The following RAB3C variants were observed in gnomAD, a reference collection of about 807,000 sequenced individuals.
The protein encoded by RAB3C is RAB3C, member RAS oncogene family.
A neutral mutation model predicts 26.4 loss-of-function variants in RAB3C; 17 were observed. That is an observed-to-expected ratio of 0.64 (90% CI 0.44 to 0.97). The LOEUF (loss-of-function observed/expected upper bound fraction) is 0.97. Among genes scored for constraint, RAB3C ranks in the 50% least tolerant of loss-of-function variants. RAB3C has a pLI of 0.00. For synonymous variants in RAB3C, 91 were observed against 95.9 expected (o/e 0.95, Z 0.30); for missense variants, 242 against 281.9 (o/e 0.86, Z 1.01).
At chr5:58,740,170 G>A (rs1363684851) in intron 3 of RAB3C, among the ~76,000 whole-genome samples, 3 of 152,208 alleles carry the variant, frequency 2.0e-5, no homozygotes, top group African/African-American at 7.2e-5. Flanking sequence ...GGGCATGGGA[G>A]AGCACAAAGC....
At chr5:58,672,066 A>T (rs567054505) in intron 2 of RAB3C, among the ~76,000 whole-genome samples, 1 of 152,336 alleles carries the variant, frequency 6.6e-6, no homozygotes, top group South Asian at 2.1e-4. Flanking sequence ...TAGTAAATAT[A>T]CTTTTAAGAT....
At chr5:58,629,027 GAAAAAAAAAAA>G (rs70973148) in intron 2 of RAB3C, among the ~76,000 whole-genome samples, 7 of 56,076 alleles carry the variant, frequency 1.2e-4, no homozygotes, top group South Asian at 1.8e-3. Context: ...CTCACTTCTG[GAAAAAAAAAAA>G]AAAAAAAAAA....
intron 3 of RAB3C, among the ~76,000 whole-genome samples, chr5:58,761,115 AC>A (rs1015215843): frequency 6.6e-6 from 1 of 151,324 alleles, no homozygotes; most frequent in East Asian, 1.9e-4. Context: ...AAGACCATAT[AC>A]CACATTGTTT....
chr5:58,697,750 G>A (rs1037609769), intron 2 of RAB3C, among the ~76,000 whole-genome samples: 2 of 152,010 alleles, frequency 1.3e-5, no homozygotes, highest in Admixed American at 6.6e-5. Context: ...TGCAACCCCT[G>A]CTTTTTTTTG....
intron 2 of RAB3C, among the ~76,000 whole-genome samples, chr5:58,657,170 T>A (rs910681462): frequency 6.6e-6 from 1 of 152,010 alleles, no homozygotes; most frequent in Admixed American, 6.6e-5. Flanking sequence ...CACTGATATG[T>A]GTGAGCTAAG....
chr5:58,725,898 G>A, intron 2 of RAB3C, 104 bp from the exon 3 acceptor site: 1 of 639,986 alleles, frequency 1.6e-6, no homozygotes, highest in Non-Finnish European at 2.7e-6. Flanking sequence ...TACACAACAA[G>A]TACATTTTAG....
At chr5:58,848,998 A>G (rs183694946) in intron 4 of RAB3C, among the ~76,000 whole-genome samples, 8 of 152,312 alleles carry the variant, frequency 5.3e-5, no homozygotes, top group Admixed American at 5.2e-4. Flanking sequence ...AGAAGCTGAG[A>G]TCATGTTGGC....
intron 3 of RAB3C, among the ~76,000 whole-genome samples, chr5:58,749,423 C>T (rs1386171603): frequency 1.3e-5 from 2 of 151,852 alleles, no homozygotes; most frequent in African/African-American, 2.4e-5. Flanking sequence ...GATGAATTCA[C>T]AAAAGAAAAA....
At chr5:58,709,894 G>A (rs768944667) in intron 2 of RAB3C, among the ~76,000 whole-genome samples, 1 of 152,198 alleles carries the variant, frequency 6.6e-6, no homozygotes, top group Non-Finnish European at 1.5e-5. Context: ...GCTGTGTGAT[G>A]GTGAAGCCTC....
At chr5:58,824,069 G>A (rs1270881380) in intron 3 of RAB3C, among the ~76,000 whole-genome samples, 1 of 151,766 alleles carries the variant, frequency 6.6e-6, no homozygotes, top group African/African-American at 2.4e-5. Context: ...CATTTTTTAT[G>A]GCTGCATAGT....
intron 3 of RAB3C, among the ~76,000 whole-genome samples, chr5:58,749,880 G>A (rs1741484406): frequency 6.6e-6 from 1 of 152,094 alleles, no homozygotes; most frequent in African/African-American, 2.4e-5. Flanking sequence ...TTTTTATTAA[G>A]TTTGAGAATG....
chr5:58,749,503 A>C (rs1366290911), intron 3 of RAB3C, among the ~76,000 whole-genome samples: 1 of 152,204 alleles, frequency 6.6e-6, no homozygotes, highest in African/African-American at 2.4e-5. Flanking sequence ...CTGTAGGAGC[A>C]AGGAGAGAAT....
intron 2 of RAB3C, among the ~76,000 whole-genome samples, chr5:58,682,553 G>A (rs1554047534): frequency 6.6e-6 from 1 of 151,978 alleles, no homozygotes; most frequent in Non-Finnish European, 1.5e-5. Flanking sequence ...GCGTGGTGGC[G>A]GGCGCCTATA....
intron 3 of RAB3C, among the ~76,000 whole-genome samples, chr5:58,813,963 A>G (rs1743157771): frequency 6.6e-6 from 1 of 152,212 alleles, no homozygotes; most frequent in Non-Finnish European, 1.5e-5. Context: ...AATAGCTCAA[A>G]GATGACAAAA....
intron 2 of RAB3C, among the ~76,000 whole-genome samples, chr5:58,709,844 A>C (rs1366056090): frequency 6.6e-6 from 1 of 152,214 alleles, no homozygotes; most frequent in Non-Finnish European, 1.5e-5. Flanking sequence ...AACATATCCA[A>C]AAAACAAGTC....
chr5:58,704,860 T>G (rs1748913530), intron 2 of RAB3C, among the ~76,000 whole-genome samples: 1 of 152,170 alleles, frequency 6.6e-6, no homozygotes, highest in Non-Finnish European at 1.5e-5. Flanking sequence ...CCAGAAAGGC[T>G]GATTCTTGTT....
intron 2 of RAB3C, among the ~76,000 whole-genome samples, chr5:58,656,846 A>C (rs2111798064): frequency 6.6e-6 from 1 of 152,332 alleles, no homozygotes. Context: ...AAGAACTAAA[A>C]GCAGAACCAC....
chr5:58,825,191 A>G (rs750112342), intron 4 of RAB3C, 29 bp downstream of exon 4: 14 of 1,599,338 alleles, frequency 8.8e-6, no homozygotes, highest in East Asian at 6.8e-5. Context: ...AGTTAAAAAG[A>G]AAGATAATTT....
rs184264980 is a variant in RAB3C, at chr5:58,843,599, C to T, written c.497-7565C>T. ...ATATGACAGAACATTGACTTCTCAG[C>T]ACTTTAATAGTTCTTAGTTCAGGTG... is the stretch of plus-strand genomic sequence containing the variant. On this transcript the variant is annotated intron_variant, in intron 4 of 4. Coordinates refer to ENST00000282878, the MANE Select transcript of RAB3C (RefSeq NM_138453.4). 2.4e-3 allele frequency among the ~76,000 whole-genome samples: 358 copies of T among 152,298 alleles called. 2 individuals carry two copies. Among genetic ancestry groups the T allele is most frequent in the African/African-American group, 8.3e-3 (345 of 41,570 alleles).
Sources: allele counts gnomAD v4.1 joint callset (sites outside exome capture counted in the v4.1 genomes callset), GRCh38; gene constraint gnomAD v4.1.1; transcripts MANE v1.5; gene names NCBI Gene and HGNC (gene_info 2026-07-23, HGNC 2026-07-21).